ZNF761: variants seen among roughly 807,000 people sequenced by gnomAD.
ZNF761 encodes the protein zinc finger protein 761.
A neutral mutation model predicts 59.9 loss-of-function variants in ZNF761; 43 were observed. The ratio of observed to expected loss-of-function variants is 0.72; its 90% confidence interval spans 0.56 to 0.92. ZNF761 has a LOEUF of 0.92. ZNF761 is among the 40% of genes least tolerant of loss of function. The pLI, the probability that ZNF761 is intolerant of heterozygous loss-of-function variation, is 0.00. For missense variants in ZNF761, 850 were observed against 906.1 expected (o/e 0.94, Z 0.79); for synonymous variants, 294 against 304.8 (o/e 0.96, Z 0.37).
In ZNF761 at chr19:53,444,703, G is replaced by A. The variant is rs2086136760; in HGVS notation, c.-184-1524G>A. ...TCTCTGTGTCTTATTTCTTTTCTCA[G>A]TCTCTTATCCCAGCTGATGAGAAAT... On this transcript the variant is annotated intron_variant, in intron 1 of 4. Coordinates refer to ENST00000684525, the MANE Select transcript of ZNF761 (RefSeq NM_001289951.2). 2.0e-5 allele frequency: 3 copies of A among 152,188 alleles called. No homozygotes were observed. In the South Asian group the frequency reaches 6.2e-4, roughly 32 times the overall value. The allele number at this position is 152,188 out of a possible 1,614,324, so 9.4% of individuals were successfully genotyped here.
At chr19:53,441,783 T>C (rs2086103491) in intron 1 of ZNF761, 1 of 991,148 alleles carries the variant, frequency 1.0e-6, no homozygotes, top group Non-Finnish European at 1.5e-6. Context: ...TCTTTTTTAA[T>C]TCATAATCAC....
intron 4 of ZNF761, among the ~76,000 whole-genome samples, chr19:53,453,486 A>G (rs552452902): frequency 6.6e-6 from 1 of 152,194 alleles, no homozygotes; most frequent in East Asian, 1.9e-4. Flanking sequence ...TCCTGGTTTT[A>G]TGGATTACAA....
chr19:53,454,945 G>T lies in ZNF761; in HGVS notation c.438G>T (p.Ser146=), dbSNP rs758595093. 1 of 1,614,148 alleles carries T rather than the reference G, an allele frequency of 6.2e-7. No homozygotes were observed. Among genetic ancestry groups the T allele is most frequent in the South Asian group, 1.1e-5 (1 of 91,082 alleles). ...IKDQLGSSFH[S]HLPEMHIFQT... ...ATCAGCTTGGATCAAGCTTTCATTCGCATCTGCCTGAAATGCACATATTTC... is the reference window on the plus strand; with the variant it reads ...ATCAGCTTGGATCAAGCTTTCATTCTCATCTGCCTGAAATGCACATATTTC... Residue 146 remains serine, a synonymous_variant, in exon 5 of 5, where the codon TCG becomes TCT. Transcript: ENST00000684525.
At chr19:53,450,013 G>A in intron 4 of ZNF761, 1 of 459,810 alleles carries the variant, frequency 2.2e-6, no homozygotes, top group Non-Finnish European at 3.8e-6. Flanking sequence ...TAAGATTTTT[G>A]CATATGTGTG....
In ZNF761 at chr19:53,455,883, G is replaced by A. The variant is rs779549000; in HGVS notation, c.1376G>A (p.Arg459His). 8.1e-6 allele frequency: 13 copies of A among 1,607,066 alleles called. 1 individual carries two copies. Among genetic ancestry groups the A allele is most frequent in the Admixed American group, 6.7e-5 (4 of 59,384 alleles). The part of the protein sequence containing the change: ...RTSSLTCHRR[R>H]HTGEQPYKCE... ...TCATCCCTTACATGCCATCGTAGAC[G>A]TCATACTGGAGAGCAACCTTACAAA... is the stretch of plus-strand genomic sequence containing the variant. The change falls in exon 5 of 5, where the codon CGT becomes CAT. Residue 459 changes from arginine to histidine, a missense_variant. Arg to His is a conservative substitution (Grantham distance 29, BLOSUM62 0). Transcript: ENST00000684525.
chr19:53,447,169 A>G, intron 2 of ZNF761, 27 bp from the exon 3 acceptor site: 1 of 1,483,810 alleles, frequency 6.7e-7, no homozygotes, highest in Non-Finnish European at 9.2e-7. Context: ...GATTCTGAGC[A>G]ATAAACAACA....
In ZNF761 at chr19:53,457,017, G is replaced by T; in HGVS notation, c.*269G>T. 1 of 633,120 alleles carries T rather than the reference G, an allele frequency of 1.6e-6. No homozygotes were observed. Among genetic ancestry groups the T allele is most frequent in the East Asian group, 3.4e-5 (1 of 29,820 alleles). The allele number at this position is 633,120 out of a possible 1,614,324, so 39.2% of individuals were successfully genotyped here. On this transcript the variant is annotated 3_prime_UTR_variant, in exon 5 of 5. Transcript: ENST00000684525. ...TGTAAGAGTTTGTGACAAGGCTTTTGGGCATGATTCGCACCTGGCACAACA... is the reference window on the plus strand; with the variant it reads ...TGTAAGAGTTTGTGACAAGGCTTTTTGGCATGATTCGCACCTGGCACAACA...
intron 3 of ZNF761, among the ~76,000 whole-genome samples, chr19:53,447,820 G>C (rs1450966004): frequency 6.6e-6 from 1 of 152,136 alleles, no homozygotes; most frequent in Non-Finnish European, 1.5e-5. Context: ...AGACATGAAA[G>C]ATAGAAGATG....
At chr19:53,447,539 G>A (rs182682063) in intron 3 of ZNF761, among the ~76,000 whole-genome samples, 2 of 152,236 alleles carry the variant, frequency 1.3e-5, no homozygotes, top group African/African-American at 4.8e-5. Flanking sequence ...GACGGGGTGA[G>A]GGTCCCATGG....
chr19:53,455,209 G>C lies in ZNF761; in HGVS notation c.702G>C (p.Gln234His), dbSNP rs200154624. 2.3e-5 allele frequency: 37 copies of C among 1,614,078 alleles called. No individual in the cohort carries two copies. Among genetic ancestry groups the C allele is most frequent in the South Asian group, 1.8e-4 (16 of 91,080 alleles). Residue 234 changes from glutamine to histidine, a missense_variant, in exon 5 of 5, where the codon CAG becomes CAC. Transcript: ENST00000684525. ...FNYSSLLRKH[Q>H]IIHLADKYKC... ...ACAGCTCACTCTTAAGGAAACATCA[G>C]ATAATCCATTTAGCAGACAAATATA...
intron 1 of ZNF761, among the ~76,000 whole-genome samples, chr19:53,435,489 A>T (rs924873486): frequency 4.6e-5 from 7 of 151,610 alleles, no homozygotes; most frequent in Non-Finnish European, 1.0e-4. Flanking sequence ...TTTTTATTCA[A>T]TACGGGGTTC....
Position 53,455,630 on chromosome 19 carries a change from C to T in ZNF761, c.1123C>T (p.Leu375Phe). The T allele has an allele frequency of 1.2e-6, 2 of 1,613,140 alleles. No homozygotes were observed. The highest frequency in any genetic ancestry group is 1.7e-6 in the Non-Finnish European group (2 of 1,179,830). The change falls in exon 5 of 5, where the codon CTT (leucine) becomes TTT (phenylalanine). Residue 375 changes from leucine to phenylalanine, a missense_variant. Physicochemically the swap from Leu to Phe is conservative, Grantham distance 22 (BLOSUM62 0). Coordinates refer to ENST00000684525, the MANE Select transcript of ZNF761 (RefSeq NM_001289951.2). ...HKSSLTCHHR[L>F]HTGEKPYKCN... Reference sequence around the variant, plus strand: ...GTCATCCCTTACATGCCATCATAGACTTCATACTGGAGAGAAACCCTACAA... The same window carrying T: ...GTCATCCCTTACATGCCATCATAGATTTCATACTGGAGAGAAACCCTACAA...
Position 53,455,967 on chromosome 19 carries a change from T to A in ZNF761, c.1460T>A (p.Ile487Asn), listed in dbSNP as rs1425307236. ...TCAAACCTTGAAAGACATAGGAGAA[T>A]TCATACTGGAGAGAAACCATACAAG... ...FKSNLERHRR[I>N]HTGEKPYKCN... Residue 487 changes from isoleucine to asparagine, a missense_variant, in exon 5 of 5, where the codon ATT (isoleucine) becomes AAT (asparagine). By Grantham distance (149) the Ile-to-Asn change is moderately radical. Transcript: ENST00000684525. 2 of 1,613,394 alleles carry A rather than the reference T, an allele frequency of 1.2e-6. No individual in the cohort carries two copies. Among genetic ancestry groups the A allele is most frequent in the Admixed American group, 3.3e-5 (2 of 59,942 alleles).
At chr19:53,444,345 C>T (rs955515161) in intron 1 of ZNF761, 3 of 152,236 alleles carry the variant, frequency 2.0e-5, no homozygotes, top group African/African-American at 7.2e-5. Flanking sequence ...TAGGAGAAAA[C>T]CGCCTTATGG....
At position 53,458,133 on chromosome 19, in the gene ZNF761, T is replaced by C. The variant is rs2086287498; in HGVS notation, c.*1385T>C. The C allele has an allele frequency of 6.5e-6, 1 of 152,984 alleles. No homozygotes were observed. The highest frequency in any genetic ancestry group is 6.5e-5 in the Admixed American group (1 of 15,302). The allele number at this position is 152,984 out of a possible 1,614,324, so 9.5% of individuals were successfully genotyped here. A position where few individuals can be genotyped will look rare whatever the true frequency, so the allele number is the denominator to read the frequency against. On this transcript the variant is annotated 3_prime_UTR_variant, in exon 5 of 5. Coordinates refer to ENST00000684525, the MANE Select transcript of ZNF761 (RefSeq NM_001289951.2). ...AAATTCAACTAATTTTTGGTGCTGA[T>C]ACTGTATTGTGCAAATCCACTGACT...
At chr19:53,447,452 G>T (rs1182469614) in intron 3 of ZNF761, among the ~76,000 whole-genome samples, 169 bp downstream of exon 3, 1 of 152,134 alleles carries the variant, frequency 6.6e-6, no homozygotes, top group African/African-American at 2.4e-5. Context: ...CATCTCTCGT[G>T]ATCCAGTGAG....
rs142044077 is a variant in ZNF761, at chr19:53,441,693, C to T, written c.-184-4534C>T. 2,084 of 517,260 alleles carry T rather than the reference C, an allele frequency of 4.0e-3. 49 individuals are homozygous for T. Among genetic ancestry groups the T allele is most frequent in the African/African-American group, 0.036 (1,851 of 51,674 alleles). 32.0% of individuals were successfully genotyped at this position (517,260 alleles called of 1,614,324 possible). A position where few individuals can be genotyped will look rare whatever the true frequency, so the allele number is the denominator to read the frequency against. Reference sequence around the variant, plus strand: ...AACTCCTGACCTCAGGTGATCCACTCGCCTTGGCCTCCCCAAAGTGCTGGG... The same window carrying T: ...AACTCCTGACCTCAGGTGATCCACTTGCCTTGGCCTCCCCAAAGTGCTGGG... On this transcript the variant is annotated intron_variant, in intron 1 of 4. Transcript: ENST00000684525.
At chr19:53,450,188 A>G (rs2086207974) in intron 4 of ZNF761, 1 of 195,672 alleles carries the variant, frequency 5.1e-6, no homozygotes, top group East Asian at 1.1e-4. Flanking sequence ...CTGTAATCCC[A>G]GCTACTTGGG....
chr19:53,448,944 T>C (rs553915789), intron 3 of ZNF761, among the ~76,000 whole-genome samples: 84 of 152,276 alleles, frequency 5.5e-4, no homozygotes, highest in African/African-American at 1.9e-3. Flanking sequence ...AGCCAGATTT[T>C]AGTTTCTCAT....
Sources: gnomAD v4.1 joint callset for allele counts (sites outside exome capture counted in the v4.1 genomes callset) on GRCh38, gnomAD v4.1.1 for gene constraint, MANE v1.5 for transcripts, NCBI Gene and HGNC (gene_info 2026-07-23, HGNC 2026-07-21) for gene names.